ALOX15B: variants seen among roughly 807,000 people sequenced by gnomAD.
The protein encoded by ALOX15B is polyunsaturated fatty acid lipoxygenase ALOX15B.
A neutral mutation model predicts 73.8 loss-of-function variants in ALOX15B; 74 were observed. The ratio of observed to expected loss-of-function variants is 1.00; its 90% CI spans 0.83 to 1.22. The LOEUF is 1.22. Ranked by LOEUF, ALOX15B falls within the 50% of genes most tolerant of loss-of-function variation. The probability of loss-of-function intolerance (pLI) is 0.00; values close to 1 mark genes in which losing one functional copy is unlikely to be tolerated. For synonymous variants in ALOX15B, 353 were observed against 357.2 expected, an observed-to-expected ratio of 0.99 and a Z score of 0.13; for missense variants, 896 against 859.9, an observed-to-expected ratio of 1.04 and a Z score of -0.52.
In ALOX15B at chr17:8,047,076, G is replaced by A. The variant is rs9895916; in HGVS notation, c.1457G>A (p.Arg486His). The stretch of plus-strand genomic sequence containing the variant: ...ATGCAGATCTGGGGTGCAGTGGAAC[G>A]GTGAGGGGCCGTCCCTGGAGAGCCG... Reference protein sequence around the residue: ...DGMQIWGAVERFVSEIIGIYY... With the variant: ...DGMQIWGAVEHFVSEIIGIYY... The change falls in exon 10 of 14, where the codon CGC becomes CAC. Residue 486 changes from arginine to histidine, a missense_variant and splice_region_variant. Arg to His is a conservative substitution (Grantham distance 29). Coordinates refer to ENST00000380183, the MANE Select transcript of ALOX15B (RefSeq NM_001141.3). 0.035 allele frequency: 56,444 copies of A among 1,613,328 alleles called. 3,359 individuals carry two copies. The highest frequency in any genetic ancestry group is 0.2 in the African/African-American group (14,943 of 74,942).
intron 5 of ALOX15B, 60 bp downstream of exon 5, chr17:8,042,944 C>T: frequency 7.2e-7 from 1 of 1,392,626 alleles, no homozygotes; most frequent in Admixed American, 2.0e-5. Flanking sequence ...CCTGTGGCTG[C>T]CCAGAGTCTC....
Position 8,048,413 on chromosome 17 carries a change from C to A in ALOX15B, c.1879C>A (p.His627Asn). 2 of 1,613,694 alleles carry A rather than the reference C, an allele frequency of 1.2e-6. No homozygotes were observed. The highest frequency in any genetic ancestry group is 1.7e-6 in the Non-Finnish European group (2 of 1,179,824). The change falls in exon 14 of 14, where the codon CAC becomes AAC. Residue 627 changes from histidine to asparagine, a missense_variant. Transcript: ENST00000380183. ...QRPLGTYPDE[H>N]FTEEAPRRSI... Reference sequence around the variant, plus strand: ...GCCCCTGGGCACCTATCCGGATGAGCACTTCACAGAGGAGGCCCCTCGGCG... The same window carrying A: ...GCCCCTGGGCACCTATCCGGATGAGAACTTCACAGAGGAGGCCCCTCGGCG...
At chr17:8,040,643 G>GAAAGAAAGAAAGA (rs1976433026) in intron 3 of ALOX15B, among the ~76,000 whole-genome samples, 3 of 134,320 alleles carry the variant, frequency 2.2e-5, no homozygotes, top group Admixed American at 7.3e-5. Flanking sequence ...AAGAAAGAAA[G>GAAAGAAAGAAAGA]AAAGAAAGAA....
In ALOX15B at chr17:8,044,815, C is replaced by T; in HGVS notation, c.677-14C>T. On this transcript the variant is annotated splice_polypyrimidine_tract_variant and intron_variant, in intron 5 of 13. Coordinates refer to ENST00000380183, the MANE Select transcript of ALOX15B (RefSeq NM_001141.3). ...TTTGAGTGACCCCGTTCCCCTGTCC[C>T]CCACCCCCTGCAGAGCACGCATTTG... 2 of 1,608,552 alleles carry T rather than the reference C, an allele frequency of 1.2e-6. No homozygotes were observed. Among genetic ancestry groups the T allele is most frequent in the Non-Finnish European group, 1.7e-6 (2 of 1,176,280 alleles).
Position 8,044,812 on chromosome 17 carries a change from T to TCCCCCCCCCCC in ALOX15B, c.677-12_677-11insCCCCCCCCCCC. 1 of 1,446,126 alleles carries TCCCCCCCCCCC rather than the reference T, an allele frequency of 6.9e-7. No individual in the cohort carries two copies. Among genetic ancestry groups the TCCCCCCCCCCC allele is most frequent in the Non-Finnish European group, 9.3e-7 (1 of 1,071,600 alleles). The allele number at this position is 1,446,126 out of a possible 1,614,324, so 89.6% of individuals were successfully genotyped here. A position where few individuals can be genotyped will look rare whatever the true frequency, so the allele number is the denominator to read the frequency against. ...GCATTTGAGTGACCCCGTTCCCCTG[T>TCCCCCCCCCCC]CCCCCACCCCCTGCAGAGCACGCAT... is the stretch of plus-strand genomic sequence containing the variant. On this transcript the variant is annotated splice_polypyrimidine_tract_variant and intron_variant, in intron 5 of 13. Coordinates refer to ENST00000380183, the MANE Select transcript of ALOX15B (RefSeq NM_001141.3).
intron 4 of ALOX15B, 50 bp downstream of exon 4, chr17:8,042,541 C>T: frequency 1.2e-6 from 2 of 1,600,998 alleles, no homozygotes; most frequent in Non-Finnish European, 1.7e-6. Flanking sequence ...GCCCTATGAC[C>T]TCTGCCTTCT....
chr17:8,046,620 C>T lies in ALOX15B; in HGVS notation c.1201-48C>T, dbSNP rs961470474. ...GCCTGTGTGGGGGAAGGTCTGGGGC[C>T]AGAACAACCCAGGCCTCCCCTAGCT... On this transcript the variant is annotated intron_variant, in intron 8 of 13. Transcript: ENST00000380183. 3 of 1,579,254 alleles carry T rather than the reference C, an allele frequency of 1.9e-6. No individual in the cohort carries two copies. In the Admixed American group the frequency reaches 5.3e-5, roughly 28 times the overall value.
Position 8,046,956 on chromosome 17 carries a change from T to A in ALOX15B, c.1337T>A (p.Met446Lys). The part of the protein sequence containing the change: ...EGFSELIQRN[M>K]KQLNYSLLCL... ...TTCTCTGAGTTGATACAGAGGAACA[T>A]GAAGCAGCTGAACTATTCTCTCCTG... Residue 446 changes from methionine to lysine, a missense_variant, in exon 10 of 14, where the codon ATG (methionine) becomes AAG (lysine). Transcript: ENST00000380183. 6.2e-7 allele frequency: 1 copy of A among 1,614,152 alleles called. No individual in the cohort carries two copies. The highest frequency in any genetic ancestry group is 1.1e-5 in the South Asian group (1 of 91,084).
At chr17:8,045,109 C>A in intron 6 of ALOX15B, 108 bp downstream of exon 6, 1 of 1,580,368 alleles carries the variant, frequency 6.3e-7, no homozygotes, top group South Asian at 1.2e-5. Context: ...GGACCTACCG[C>A]GTGCTGCGTG....
At chr17:8,042,292 G>C in intron 3 of ALOX15B, 77 bp from the exon 4 acceptor site, 1 of 1,562,258 alleles carries the variant, frequency 6.4e-7, no homozygotes, top group Non-Finnish European at 8.7e-7. Context: ...CCCCCCAAGG[G>C]GACTGCCACT....
In ALOX15B at chr17:8,039,321, A is replaced by C; in HGVS notation, c.147+19A>C. On this transcript the variant is annotated intron_variant, in intron 1 of 13. Coordinates refer to ENST00000380183, the MANE Select transcript of ALOX15B (RefSeq NM_001141.3). ...GGGCGCTGTGAGTGCGTGGGAGTGG[A>C]TGGGGTGGAGGTGAAGGGGGCGAGC... 1 of 1,587,196 alleles carries C rather than the reference A, an allele frequency of 6.3e-7. No homozygotes were observed. Among genetic ancestry groups the C allele is most frequent in the Non-Finnish European group, 8.6e-7 (1 of 1,164,396 alleles).
chr17:8,042,281 GCCC>G, intron 3 of ALOX15B, 85 bp from the exon 4 acceptor site: 1 of 1,511,436 alleles, frequency 6.6e-7, no homozygotes. Flanking sequence ...CTGTGACCAG[GCCC>G]CCCAAGGGGA....
At chr17:8,040,239 G>A (rs1976399840) in intron 3 of ALOX15B, among the ~76,000 whole-genome samples, 3 of 152,120 alleles carry the variant, frequency 2.0e-5, no homozygotes, top group African/African-American at 7.2e-5. Flanking sequence ...GGCCACTGAT[G>A]TTTGAAAAAC....
chr17:8,047,654 G>C lies in ALOX15B; in HGVS notation c.1670G>C (p.Ser557Thr). The change falls in exon 12 of 14, where the codon AGT (serine) becomes ACT (threonine). Residue 557 changes from serine to threonine, a missense_variant. Physicochemically the swap from Ser to Thr is moderately conservative, Grantham distance 58 (BLOSUM62 1). Transcript: ENST00000380183. ...FTCSAKHAAVSAGQFDSCAWM... is the reference protein window; with the variant it reads ...FTCSAKHAAVTAGQFDSCAWM... ...TGCTCCGCCAAGCATGCGGCTGTCA[G>C]TGCAGGGCAGGTGAGGAAAGGCCAG... The C allele has an allele frequency of 6.2e-7, 1 of 1,612,350 alleles. No individual in the cohort carries two copies. The highest frequency in any genetic ancestry group is 1.1e-5 in the South Asian group (1 of 90,728).
rs1358333123 is a variant in ALOX15B, at chr17:8,045,008, G to A, written c.849+7G>A. 5.0e-6 allele frequency: 8 copies of A among 1,613,944 alleles called. No individual in the cohort carries two copies. Among genetic ancestry groups the A allele is most frequent in the Non-Finnish European group, 6.8e-6 (8 of 1,179,942 alleles). On this transcript the variant is annotated splice_region_variant and intron_variant, in intron 6 of 13. Coordinates refer to ENST00000380183, the MANE Select transcript of ALOX15B (RefSeq NM_001141.3). Reference sequence around the variant, plus strand: ...CTTGCAGGCTGAGCTAGAGGTGAGGGGTGCAGGGATCTTGGCTCTGCACAG... The same window carrying A: ...CTTGCAGGCTGAGCTAGAGGTGAGGAGTGCAGGGATCTTGGCTCTGCACAG...
intron 5 of ALOX15B, 68 bp from the exon 6 acceptor site, chr17:8,044,761 C>CG: frequency 1.9e-6 from 2 of 1,049,516 alleles, no homozygotes; most frequent in East Asian, 3.1e-5. Context: ...ACCCCGTCCC[C>CG]GTGTCCCCCA....
chr17:8,046,054 G>A (rs58993091), intron 8 of ALOX15B, among the ~76,000 whole-genome samples: 6,770 of 152,090 alleles, frequency 0.045, 178 homozygotes, highest in African/African-American at 0.059. Flanking sequence ...GGAGGCCCCC[G>A]TGCTCTAGGG....
chr17:8,042,351 T>A lies in ALOX15B; in HGVS notation c.450-18T>A. On this transcript the variant is annotated intron_variant, in intron 3 of 13. Coordinates refer to ENST00000380183, the MANE Select transcript of ALOX15B (RefSeq NM_001141.3). ...CCCTGAGGCCTCTTGCTGACCACCT[T>A]CCCTCTCTACCCTCCAGGTGGAAGG... 2.5e-6 allele frequency: 4 copies of A among 1,613,000 alleles called. No individual in the cohort carries two copies. Among genetic ancestry groups the A allele is most frequent in the Non-Finnish European group, 2.5e-6 (3 of 1,179,614 alleles).
chr17:8,045,097 A>G, intron 6 of ALOX15B, 96 bp downstream of exon 6: 1 of 1,586,052 alleles, frequency 6.3e-7, no homozygotes, highest in South Asian at 1.1e-5. Context: ...CACATTTGTT[A>G]GGGACCTACC....
Sources: allele counts gnomAD v4.1 joint callset (sites outside exome capture counted in the v4.1 genomes callset), GRCh38; gene constraint gnomAD v4.1.1; transcripts MANE v1.5; gene names NCBI Gene and HGNC (gene_info 2026-07-23, HGNC 2026-07-21).